The following ITPR2 variants were observed in gnomAD, a reference collection of about 807,000 sequenced individuals.
ITPR2 encodes inositol 1,4,5-trisphosphate receptor type 2.
ITPR2 carries 207 observed loss-of-function variants against 317.1 expected under a neutral mutation model. The observed-to-expected ratio is 0.65, with a 90% CI of 0.58 to 0.73. ITPR2 has a LOEUF of 0.73. Ranked by LOEUF, ITPR2 falls within the 30% of genes least tolerant of loss-of-function variation. The pLI, the probability that ITPR2 is intolerant of heterozygous loss-of-function variation, is 0.00. For missense variants in ITPR2, 2,613 were observed against 3,284.0 expected (o/e 0.80, Z 4.99); for synonymous variants, 1,156 against 1,149.1 (o/e 1.01, Z -0.12).
intron 45 of ITPR2, among the ~76,000 whole-genome samples, chr12:26,456,230 C>T (rs1275889927): frequency 6.6e-6 from 1 of 152,174 alleles, no homozygotes; most frequent in Admixed American, 6.5e-5. Flanking sequence ...AAGAAGCTGG[C>T]CAAAACCCAC....
intron 8 of ITPR2, among the ~76,000 whole-genome samples, chr12:26,713,243 C>A (rs1046623659): frequency 1.1e-4 from 17 of 152,172 alleles, no homozygotes; most frequent in Admixed American, 2.6e-4. Context: ...TCCTCCCCAG[C>A]CCTTCCAATC....
intron 2 of ITPR2, among the ~76,000 whole-genome samples, chr12:26,774,659 C>G (rs1011381033): frequency 1.3e-5 from 2 of 152,174 alleles, no homozygotes; most frequent in Non-Finnish European, 2.9e-5. Flanking sequence ...ATTAAAGAAA[C>G]AGATAAAATT....
At chr12:26,736,833 G>GA (rs1555184322) in intron 2 of ITPR2, among the ~76,000 whole-genome samples, 58 of 152,268 alleles carry the variant, frequency 3.8e-4, no homozygotes, top group Middle Eastern at 3.4e-3. Flanking sequence ...TCTATAGATG[G>GA]CACATTTTAA....
At chr12:26,673,569 C>A (rs1255288738) in intron 13 of ITPR2, among the ~76,000 whole-genome samples, 1 of 151,428 alleles carries the variant, frequency 6.6e-6, no homozygotes, top group African/African-American at 2.4e-5. Context: ...CTATCTATGA[C>A]AAACCCACAG....
At chr12:26,465,954 G>A (rs958764924) in intron 45 of ITPR2, among the ~76,000 whole-genome samples, 1 of 152,162 alleles carries the variant, frequency 6.6e-6, no homozygotes, top group Non-Finnish European at 1.5e-5. Context: ...CCAGCACTGA[G>A]AGCAGCAGGA....
intron 11 of ITPR2, 111 bp from the exon 12 acceptor site, chr12:26,682,784 A>C: frequency 1.6e-6 from 1 of 644,034 alleles, no homozygotes; most frequent in South Asian, 2.1e-5. Flanking sequence ...ATTAACTAGT[A>C]ATTGACTCAA....
Position 26,685,364 on chromosome 12 carries a change from G to A in ITPR2, c.1148+1117C>T, listed in dbSNP as rs145807310. Among the ~76,000 whole-genome samples, 272 of 152,290 alleles carry A rather than the reference G, an allele frequency of 1.8e-3. 1 individual carries two copies. The highest frequency in any genetic ancestry group is 2.9e-3 in the Admixed American group (45 of 15,280). On this transcript the variant is annotated intron_variant, in intron 11 of 56. Transcript: ENST00000381340. Reference sequence around the variant, plus strand: ...TAATCTCGGCATTTTGAGAAGCTGAGGTGGGTGGATCCCTCGAGCCCAGGA... The same window carrying A: ...TAATCTCGGCATTTTGAGAAGCTGAAGTGGGTGGATCCCTCGAGCCCAGGA...
chr12:26,596,678 T>C (rs1251212168), intron 31 of ITPR2, among the ~76,000 whole-genome samples: 3 of 151,822 alleles, frequency 2.0e-5, no homozygotes, highest in African/African-American at 7.3e-5. Context: ...GTTTATCATC[T>C]TGCAGAACTT....
intron 34 of ITPR2, among the ~76,000 whole-genome samples, chr12:26,576,227 A>C (rs755350461): frequency 2.6e-5 from 4 of 152,356 alleles, no homozygotes; most frequent in Middle Eastern, 6.8e-3. Context: ...GTAATATATT[A>C]GCAGAAATTA....
chr12:26,602,139 T>G (rs561062771), intron 28 of ITPR2, among the ~76,000 whole-genome samples: 7 of 151,924 alleles, frequency 4.6e-5, no homozygotes, highest in African/African-American at 1.7e-4. Flanking sequence ...AGGGACTAGG[T>G]GGCAGTAAAG....
At chr12:26,515,162 C>T (rs10842745) in intron 37 of ITPR2, among the ~76,000 whole-genome samples, 105,701 of 152,010 alleles carry the variant, frequency 0.7, 38,624 homozygotes, top group Non-Finnish European at 0.83. Context: ...ATCTATAAAT[C>T]AAAAGATATA....
In ITPR2 at chr12:26,494,130, C is replaced by A. The variant is rs1942876174; in HGVS notation, c.5370+23G>T. 3.2e-6 allele frequency: 5 copies of A among 1,564,800 alleles called. No individual in the cohort carries two copies. In the African/African-American group the frequency reaches 6.9e-5, roughly 21 times the overall value. ...AAGAAATACCAATAATAAATGTAAT[C>A]CCCATGATTGATGAACAAGTACCTG... is the stretch of plus-strand genomic sequence containing the variant. On this transcript the variant is annotated intron_variant, in intron 39 of 56. Coordinates refer to ENST00000381340, the MANE Select transcript of ITPR2 (RefSeq NM_002223.4).
At chr12:26,348,227 C>T (rs1938367775) in intron 55 of ITPR2, among the ~76,000 whole-genome samples, 1 of 152,230 alleles carries the variant, frequency 6.6e-6, no homozygotes, top group Non-Finnish European at 1.5e-5. Context: ...CACGCTGCTA[C>T]TGCCTACTTA....
At chr12:26,672,530 C>A (rs11494764) in intron 13 of ITPR2, among the ~76,000 whole-genome samples, 29,797 of 149,452 alleles carry the variant, frequency 0.2, 3,551 homozygotes, top group East Asian at 0.54. Context: ...ATACCAGAAT[C>A]TCTGGGACAC....
chr12:26,495,373 AT>A (rs1942909819), intron 37 of ITPR2, 113 bp from the exon 38 acceptor site: 2 of 578,528 alleles, frequency 3.5e-6, no homozygotes, highest in Non-Finnish European at 5.9e-6. Context: ...GCATGGAAAA[AT>A]TAACTTTCTA....
intron 1 of ITPR2, among the ~76,000 whole-genome samples, chr12:26,797,805 T>G (rs1472704912): frequency 6.6e-6 from 1 of 150,426 alleles, no homozygotes; most frequent in African/African-American, 2.4e-5. Context: ...GACTCTCCTG[T>G]CTCAGCCTCC....
At chr12:26,682,113 T>G in intron 12 of ITPR2, 79 bp from the exon 13 acceptor site, 2 of 1,155,186 alleles carry the variant, frequency 1.7e-6, no homozygotes, top group South Asian at 3.0e-5. Context: ...CTAGTACTGT[T>G]TAAGAAATAT....
At chr12:26,735,497 G>T (rs899338060) in intron 2 of ITPR2, among the ~76,000 whole-genome samples, 1 of 152,188 alleles carries the variant, frequency 6.6e-6, no homozygotes, top group East Asian at 1.9e-4. Flanking sequence ...GAGAGGGAGA[G>T]GGGGAAGGGA....
chr12:26,412,673 G>A (rs1392823788), intron 51 of ITPR2, among the ~76,000 whole-genome samples: 1 of 151,970 alleles, frequency 6.6e-6, no homozygotes, highest in Non-Finnish European at 1.5e-5. Context: ...ATTCTAGGAG[G>A]GGGAAAAAAA....
Sources: gnomAD v4.1 joint callset for allele counts (sites outside exome capture counted in the v4.1 genomes callset) on GRCh38, gnomAD v4.1.1 for gene constraint, MANE v1.5 for transcripts, NCBI Gene and HGNC (gene_info 2026-07-23, HGNC 2026-07-21) for gene names.